PHF2: variants seen among roughly 807,000 people sequenced by gnomAD.
PHF2 encodes the protein lysine-specific demethylase PHF2.
In PHF2, 27 loss-of-function variants were observed where a neutral mutation model predicts 120.5. That is an observed-to-expected ratio of 0.22 (90% CI 0.17 to 0.31). The LOEUF (loss-of-function observed/expected upper bound fraction) is 0.31. PHF2 is among the 10% of genes least tolerant of loss of function. PHF2 has a pLI of 1.00. For missense variants in PHF2, 1,024 were observed against 1,434.8 expected, an observed-to-expected ratio of 0.71 and a Z score of 4.63; for synonymous variants, 568 against 592.5, an observed-to-expected ratio of 0.96 and a Z score of 0.60.
At chr9:93,635,545 C>T (rs935522396) in intron 2 of PHF2, among the ~76,000 whole-genome samples, 1 of 152,208 alleles carries the variant, frequency 6.6e-6, no homozygotes, top group Non-Finnish European at 1.5e-5. Context: ...CTCTTCTCTG[C>T]CTGGTTGAAT....
chr9:93,622,246 C>T (rs188344459), intron 1 of PHF2, among the ~76,000 whole-genome samples: 1 of 152,326 alleles, frequency 6.6e-6, no homozygotes, highest in East Asian at 1.9e-4. Flanking sequence ...GGCTTGGGGT[C>T]TGGTCAAGGC....
intron 1 of PHF2, among the ~76,000 whole-genome samples, chr9:93,590,015 C>T (rs73651269): frequency 0.048 from 7,344 of 152,306 alleles, 606 homozygotes; most frequent in African/African-American, 0.17. Context: ...TGCTCCCTGG[C>T]TATCCTGGTC....
chr9:93,584,590 C>T (rs1253569615), intron 1 of PHF2, among the ~76,000 whole-genome samples: 1 of 152,224 alleles, frequency 6.6e-6, no homozygotes, highest in East Asian at 1.9e-4. Flanking sequence ...AGTTCTATTC[C>T]ATTGGTCTAT....
At chr9:93,594,614 C>T (rs546589039) in intron 1 of PHF2, among the ~76,000 whole-genome samples, 1 of 152,318 alleles carries the variant, frequency 6.6e-6, no homozygotes, top group African/African-American at 2.4e-5. Context: ...TGGCACTGCC[C>T]TCCTGCTGAT....
chr9:93,584,724 G>A (rs1455214812), intron 1 of PHF2, among the ~76,000 whole-genome samples: 1 of 152,138 alleles, frequency 6.6e-6, no homozygotes, highest in Non-Finnish European at 1.5e-5. Flanking sequence ...GCTATTTTGG[G>A]CTCCTTGCGT....
rs946711603 is a variant in PHF2 at position 93,656,608 on chromosome 9, C to T, written c.1147+13C>T. On this transcript the variant is annotated intron_variant, in intron 9 of 21. Coordinates refer to ENST00000359246, the MANE Select transcript of PHF2 (RefSeq NM_005392.4). This position sits in a 1 kb window ranked among gnomAD's most constrained non-coding sequence, Gnocchi z 4.1. ...GAGGCATTCAAAGGTACTGGTCACTCCGGGGTGGGCGTCCAAGCCTGGGGC... is the reference window on the plus strand; with the variant it reads ...GAGGCATTCAAAGGTACTGGTCACTTCGGGGTGGGCGTCCAAGCCTGGGGC... 1.1e-5 allele frequency: 18 copies of T among 1,585,224 alleles called. No individual in the cohort carries two copies. The highest frequency in any genetic ancestry group is 2.7e-5 in the African/African-American group (2 of 74,252).
Position 93,676,868 on chromosome 9 carries a change from A to C in PHF2, c.3107A>C (p.Gln1036Pro). The change falls in exon 21 of 22, where the codon CAG (glutamine) becomes CCG (proline). Residue 1036 changes from glutamine (Q) to proline (P), a missense_variant. Around this residue, in one of 2 missense-constraint regions of PHF2, gnomAD observed 677 missense variants for 857.4 expected, o/e 0.79. Transcript: ENST00000359246. ...YTAAGTFTGA[Q>P]AGRTSQPMAP... is the part of the protein sequence containing the mutation. Reference sequence around the variant, plus strand: ...GCCGCTGGCACCTTCACCGGGGCCCAGGCTGGCCGCACCTCCCAGCCCATG... The same window carrying C: ...GCCGCTGGCACCTTCACCGGGGCCCCGGCTGGCCGCACCTCCCAGCCCATG... The C allele has an allele frequency of 6.4e-7, 1 of 1,571,688 alleles. No homozygotes were observed. Among genetic ancestry groups the C allele is most frequent in the Non-Finnish European group, 8.6e-7 (1 of 1,158,692 alleles).
intron 14 of PHF2, among the ~76,000 whole-genome samples, chr9:93,664,956 A>G (rs1826648166): frequency 6.6e-6 from 1 of 152,150 alleles, no homozygotes; most frequent in African/African-American, 2.4e-5. Flanking sequence ...TCAGAATTGG[A>G]GCTGTGTCTG....
At chr9:93,636,006 C>T (rs1483563480) in intron 2 of PHF2, among the ~76,000 whole-genome samples, 2 of 152,040 alleles carry the variant, frequency 1.3e-5, no homozygotes, top group African/African-American at 4.8e-5. Context: ...ATGGAGGTCC[C>T]AGTAGGGAAG....
At chr9:93,599,759 C>T (rs1219809819) in intron 1 of PHF2, among the ~76,000 whole-genome samples, 6 of 152,184 alleles carry the variant, frequency 3.9e-5, no homozygotes, top group Non-Finnish European at 8.8e-5. Context: ...AAGGGGGATT[C>T]GGAGCACGAA....
At chr9:93,645,566 A>G (rs7851271) in intron 3 of PHF2, 63 bp from the exon 4 acceptor site, 550,281 of 1,476,470 alleles carry the variant, frequency 0.37, 104,972 homozygotes, top group East Asian at 0.41. Context: ...GGCCCTGTCC[A>G]CACCTGTCCC....
At chr9:93,669,450 G>T (rs1191634708) in intron 17 of PHF2, among the ~76,000 whole-genome samples, 2 of 152,250 alleles carry the variant, frequency 1.3e-5, no homozygotes, top group African/African-American at 4.8e-5. Flanking sequence ...GCACTGTGGG[G>T]GCAGCTCCCG....
At chr9:93,647,066 A>G (rs1826273464) in intron 4 of PHF2, among the ~76,000 whole-genome samples, 1 of 152,210 alleles carries the variant, frequency 6.6e-6, no homozygotes, top group South Asian at 2.1e-4. Flanking sequence ...CATGGCCATC[A>G]GGTGGGCTGT....
chr9:93,672,423 TAGGCAC>T (rs1415076464), intron 17 of PHF2: 2 of 898,362 alleles, frequency 2.2e-6, no homozygotes, highest in Non-Finnish European at 2.6e-6. Flanking sequence ...GGTGTGGGAG[TAGGCAC>T]AGGTGCAGGT....
chr9:93,582,582 A>T (rs1403655330), intron 1 of PHF2, among the ~76,000 whole-genome samples: 1 of 152,120 alleles, frequency 6.6e-6, no homozygotes, highest in East Asian at 1.9e-4. Flanking sequence ...GAGGTCCAGA[A>T]TGGGACTTGG....
intron 3 of PHF2, among the ~76,000 whole-genome samples, chr9:93,643,709 T>C (rs1211419124): frequency 6.6e-6 from 1 of 152,170 alleles, no homozygotes; most frequent in East Asian, 1.9e-4. Flanking sequence ...TCTTCTGAGC[T>C]TGTGGCCTGT....
chr9:93,642,079 C>T (rs1826181046), intron 3 of PHF2, among the ~76,000 whole-genome samples: 1 of 152,176 alleles, frequency 6.6e-6, no homozygotes. Flanking sequence ...CCTTGAAAAG[C>T]AGTTGATTGT....
In PHF2 at chr9:93,585,584, G is replaced by GC. The variant is rs1199230190; in HGVS notation, c.98+8715dup. On this transcript the variant is annotated intron_variant, in intron 1 of 21. Coordinates refer to ENST00000359246, the MANE Select transcript of PHF2 (RefSeq NM_005392.4). ...TGACATGCCATGGGTAGGGCGCAAG[G>GC]CCACAGTATTGGACAAACATGAGGA... is the stretch of plus-strand genomic sequence containing the variant. 3.3e-5 allele frequency among the ~76,000 whole-genome samples: 5 copies of GC among 152,348 alleles called. No individual in the cohort carries two copies. The East Asian group carries it at 7.7e-4, about 24-fold the overall frequency.
In PHF2 at chr9:93,653,370, G is replaced by C. The variant is rs1275507602; in HGVS notation, c.789+5G>C. 1 of 1,612,968 alleles carries C rather than the reference G, an allele frequency of 6.2e-7. No homozygotes were observed. Among genetic ancestry groups the C allele is most frequent in the Admixed American group, 1.7e-5 (1 of 60,018 alleles). On this transcript the variant is annotated splice_donor_5th_base_variant and intron_variant, in intron 6 of 21. Transcript: ENST00000359246. ...GCCTGGTACCACGTGCTCAAGGTGA[G>C]CCACGCCCCTCGGGGCACCTCTGCC... is the stretch of plus-strand genomic sequence containing the variant.
Sources: allele counts gnomAD v4.1 joint callset (sites outside exome capture counted in the v4.1 genomes callset), GRCh38; gene constraint gnomAD v4.1.1; regional missense constraint gnomAD v4.1.1; non-coding constraint Gnocchi (gnomAD v3.1); transcripts MANE v1.5; gene names NCBI Gene and HGNC (gene_info 2026-07-23, HGNC 2026-07-21).